The following HELZ2 variants were observed in gnomAD, a reference collection of about 807,000 sequenced individuals.
The protein encoded by HELZ2 is helicase with zinc finger 2.
Under a neutral mutation model 208.8 loss-of-function variants are expected in HELZ2, and 143 were observed. The observed-to-expected ratio is 0.68, with a 90% confidence interval of 0.60 to 0.79. The LOEUF (loss-of-function observed/expected upper bound fraction) is 0.79, where lower values mean the gene tolerates loss of function less well. Ranked by LOEUF, HELZ2 falls within the 30% of genes least tolerant of loss-of-function variation. The probability of loss-of-function intolerance (pLI) is 0.00; values close to 1 mark genes in which losing one functional copy is unlikely to be tolerated. For synonymous variants in HELZ2, 1,705 were observed against 1,693.7 expected (o/e 1.01, Z -0.16); for missense variants, 3,690 against 3,794.5 (o/e 0.97, Z 0.72).
exon 5 of HELZ2, chr20:63,568,551 G>T (rs549783053): frequency 3.2e-6 from 5 of 1,584,100 alleles, no homozygotes; most frequent in Non-Finnish European, 4.3e-6. Context: ...TTGCCACGCC[G>T]CAAGGGTGGG....
At position 63,562,782 on chromosome 20, in the gene HELZ2, C is replaced by T. The variant is rs373305443; in HGVS notation, c.6040G>A (p.Gly2014Arg). The T allele has an allele frequency of 1.5e-5, 24 of 1,607,660 alleles. No homozygotes were observed. The highest frequency in any genetic ancestry group is 2.0e-5 in the Non-Finnish European group (24 of 1,178,498). ...GGGCTGGCCGTGGGAGCCGGCAGCC[C>T]CTCGAGCCGGATGCAGAGGTAGCAG... The change falls in exon 8 of 19, where the codon GGG (glycine) becomes AGG (arginine). Residue 2014 changes from glycine to arginine, a missense_variant. Physicochemically the swap from Gly to Arg is moderately radical, Grantham distance 125. Around this residue, in one of 3 missense-constraint regions of HELZ2, gnomAD observed 2,564 missense variants for 2,580.5 expected, o/e 0.99. Coordinates refer to ENST00000467148, the Ensembl canonical transcript of HELZ2.
At chr20:63,562,555 G>T in exon 8 of HELZ2, 1 of 1,596,126 alleles carries the variant, frequency 6.3e-7, no homozygotes, top group South Asian at 1.1e-5. Flanking sequence ...GCTCAACGGT[G>T]AACAGGGTGC....
At chr20:63,567,161 G>T (rs367813651) in exon 6 of HELZ2, 1 of 1,609,714 alleles carries the variant, frequency 6.2e-7, no homozygotes, top group South Asian at 1.1e-5. Context: ...CGGCTCTGCC[G>T]CGCCACCTCG....
At position 63,570,873 on chromosome 20, in the gene HELZ2, G is replaced by A. The variant is rs2083009871; in HGVS notation, c.279-5C>T. On this transcript the variant is annotated splice_polypyrimidine_tract_variant and splice_region_variant and intron_variant, in intron 1 of 18. Coordinates refer to ENST00000467148, the Ensembl canonical transcript of HELZ2. The stretch of plus-strand genomic sequence containing the variant: ...CCATACTCACAGAGGTCAGGCCTGG[G>A]GGACAGGGAGGTCAGCAGGGCTACA... 6.3e-7 allele frequency: 1 copy of A among 1,579,488 alleles called. No individual in the cohort carries two copies. The highest frequency in any genetic ancestry group is 8.6e-7 in the Non-Finnish European group (1 of 1,159,084).
At chr20:63,567,839 G>A (rs2082979490) in intron 5 of HELZ2, 2 of 1,147,324 alleles carry the variant, frequency 1.7e-6, no homozygotes, top group Non-Finnish European at 2.4e-6. Context: ...GAGCCCAGCG[G>A]CTCCTCTGAC....
chr20:63,571,972 C>T, intron 1 of HELZ2, 136 bp downstream of exon 2: 1 of 993,020 alleles, frequency 1.0e-6, no homozygotes, highest in Non-Finnish European at 1.4e-6. Flanking sequence ...TGGGCTCCTG[C>T]CCTACTCCAA....
At chr20:63,566,208 G>C (rs746658757) in exon 8 of HELZ2, 2 of 1,500,478 alleles carry the variant, frequency 1.3e-6, no homozygotes, top group African/African-American at 1.4e-5. Context: ...ACAGTGCTGA[G>C]CACCACGACC....
At chr20:63,572,305 C>T in exon 1 of HELZ2, 10 of 1,586,778 alleles carry the variant, frequency 6.3e-6, no homozygotes, top group Non-Finnish European at 8.6e-6. Context: ...GGGCCGTGCG[C>T]CCGTCGCCAT....
chr20:63,563,640 G>T, exon 8 of HELZ2: 2 of 1,545,314 alleles, frequency 1.3e-6, no homozygotes, highest in South Asian at 1.2e-5. Flanking sequence ...ACGGCCAGGT[G>T]CAGGCTGCGC....
upstream of HELZ2, among the ~76,000 whole-genome samples, chr20:63,573,622 T>C (rs2083033515): frequency 6.6e-6 from 1 of 152,140 alleles, no homozygotes; most frequent in African/African-American, 2.4e-5. This position sits in a 1 kb window ranked among gnomAD's most constrained non-coding sequence, Gnocchi z 4.9. Context: ...CTCAGGCTCC[T>C]GACTCTTCTA....
At chr20:63,563,313 G>A (rs777601841) in exon 8 of HELZ2, 6 of 1,541,990 alleles carry the variant, frequency 3.9e-6, no homozygotes, top group South Asian at 1.2e-5. Flanking sequence ...CAGCGCTGCA[G>A]CTCCACCAGC....
At chr20:63,568,039 A>G (rs2082981069) in intron 5 of HELZ2, 1 of 534,846 alleles carries the variant, frequency 1.9e-6, no homozygotes, top group Non-Finnish European at 3.3e-6. Context: ...CCTTGTGGTT[A>G]GGACAAAGAT....
Position 63,561,899 on chromosome 20 carries a change from G to T in HELZ2, c.6615C>A (p.Pro2205=). ...GACCCCCCAGCCGCTTCTCCCCACG[G>T]GGGGGGCCTCCGGGCTGCACCTGCT... Residue 2205 remains proline (P), a synonymous_variant, in exon 11 of 19, where the codon CCC becomes CCA. Coordinates refer to ENST00000467148, the Ensembl canonical transcript of HELZ2. 6.3e-7 allele frequency: 1 copy of T among 1,582,544 alleles called. No individual in the cohort carries two copies. Among genetic ancestry groups the T allele is most frequent in the Non-Finnish European group, 8.6e-7 (1 of 1,164,064 alleles).
chr20:63,573,299 C>A (rs1249690823), upstream of HELZ2: 2 of 152,302 alleles, frequency 1.3e-5, no homozygotes, highest in Non-Finnish European at 2.9e-5. The surrounding 1 kb of genome is among the most constrained non-coding windows in gnomAD (Gnocchi z 4.9). Context: ...GGCCTCTCCA[C>A]CAGGCAAGGA....
exon 11 of HELZ2, chr20:63,561,887 C>A: frequency 6.3e-7 from 1 of 1,576,050 alleles, no homozygotes; most frequent in East Asian, 2.3e-5. Flanking sequence ...CCCCCAGCCG[C>A]TTCTCCCCAC....
At chr20:63,566,080 G>A (rs774519598) in exon 8 of HELZ2, 35 of 1,586,174 alleles carry the variant, frequency 2.2e-5, no homozygotes, top group Non-Finnish European at 2.7e-5. Flanking sequence ...GGGCCACGGC[G>A]TCCCCCACTA....
exon 17 of HELZ2, chr20:63,560,246 C>G (rs759702669): frequency 1.3e-6 from 2 of 1,560,486 alleles, no homozygotes; most frequent in Non-Finnish European, 1.7e-6. Context: ...ATCTCAGAGG[C>G]CTGCGCGTTG....
exon 6 of HELZ2, chr20:63,567,540 C>T (rs114982498): frequency 5.1e-6 from 8 of 1,572,230 alleles, no homozygotes; most frequent in African/African-American, 4.0e-5. Flanking sequence ...GCGGCCGGTC[C>T]GTGTACATCA....
At position 63,567,619 on chromosome 20, in the gene HELZ2, TC is replaced by T; in HGVS notation, c.1738del (p.Asp580ThrfsTer24). On this transcript the variant is annotated frameshift_variant, in exon 6 of 19. Coordinates refer to ENST00000467148, the Ensembl canonical transcript of HELZ2. LOFTEE classifies it high-confidence loss of function. ...GTGGAAATACTCCCGGATGTAGATG[TC>T]GGCGGCACTGCGGGAGGGGGAGGAG... is the stretch of plus-strand genomic sequence containing the variant. The T allele has an allele frequency of 6.2e-7, 1 of 1,600,038 alleles. No homozygotes were observed. Among genetic ancestry groups the T allele is most frequent in the Non-Finnish European group, 8.5e-7 (1 of 1,174,988 alleles).
Sources: gnomAD v4.1 joint callset for allele counts (sites outside exome capture counted in the v4.1 genomes callset) on GRCh38, gnomAD v4.1.1 for gene constraint, gnomAD v4.1.1 regional missense constraint, Gnocchi (gnomAD v3.1) non-coding constraint, MANE v1.5 for transcripts, NCBI Gene and HGNC (gene_info 2026-07-23, HGNC 2026-07-21) for gene names.